Variants in CMYA5 observed in about 807,000 individuals in gnomAD.
CMYA5 encodes cardiomyopathy-associated protein 5.
CMYA5 carries 246 observed loss-of-function variants against 318.9 expected under a neutral mutation model. The ratio of observed to expected loss-of-function variants is 0.77; its 90% CI spans 0.70 to 0.86. The LOEUF is 0.86. CMYA5 is among the 40% of genes least tolerant of loss of function. The probability of loss-of-function intolerance (pLI) is 0.00; values close to 1 mark genes in which losing one functional copy is unlikely to be tolerated. For synonymous variants in CMYA5, 1,641 were observed against 1,729.5 expected, an observed-to-expected ratio of 0.95 and a Z score of 1.27; for missense variants, 4,589 against 4,678.2, an observed-to-expected ratio of 0.98 and a Z score of 0.56.
intron 9 of CMYA5, 121 bp downstream of exon 9, chr5:79,763,330 A>G: frequency 1.1e-6 from 1 of 871,934 alleles, no homozygotes; most frequent in Non-Finnish European, 1.7e-6. Flanking sequence ...CTGCTGAGCT[A>G]ATGAAGCCGC....
intron 1 of CMYA5, among the ~76,000 whole-genome samples, chr5:79,717,505 T>C (rs917481723): frequency 6.6e-6 from 1 of 152,180 alleles, no homozygotes; most frequent in African/African-American, 2.4e-5. Context: ...GAGAAGTTGA[T>C]ATATGAGCTG....
Position 79,725,995 on chromosome 5 carries a change from G to T in CMYA5, c.150-2920G>T, listed in dbSNP as rs558216106. On this transcript the variant is annotated intron_variant, in intron 1 of 12. Coordinates refer to ENST00000446378, the MANE Select transcript of CMYA5 (RefSeq NM_153610.5). ...TAGATTTTGAATTTCTTAGAAGAAG[G>T]TTCTAAGTGCTTTATATTTGTACTC... Among the ~76,000 whole-genome samples, 23 of 152,282 alleles carry T rather than the reference G, an allele frequency of 1.5e-4. 1 individual carries two copies. The highest frequency in any genetic ancestry group is 1.2e-3 in the South Asian group (6 of 4,822).
At chr5:79,693,886 GA>G (rs1182330006) in intron 1 of CMYA5, among the ~76,000 whole-genome samples, 3 of 152,176 alleles carry the variant, frequency 2.0e-5, no homozygotes, top group African/African-American at 7.2e-5. Context: ...AAATTATGAA[GA>G]CAAATATAGC....
intron 1 of CMYA5, among the ~76,000 whole-genome samples, chr5:79,713,505 T>C (rs1452791687): frequency 6.6e-6 from 1 of 151,988 alleles, no homozygotes; most frequent in Non-Finnish European, 1.5e-5. Context: ...TTGTCCTTAG[T>C]TTTTTATAAT....
intron 1 of CMYA5, among the ~76,000 whole-genome samples, chr5:79,726,379 G>C (rs187331254): frequency 6.6e-6 from 1 of 152,230 alleles, no homozygotes; most frequent in South Asian, 2.1e-4. Flanking sequence ...GAAGATGTAG[G>C]ATGAGTTGAA....
At position 79,720,745 on chromosome 5, in the gene CMYA5, A is replaced by C. The variant is rs1827609283; in HGVS notation, c.150-8170A>C. On this transcript the variant is annotated intron_variant, in intron 1 of 12. Transcript: ENST00000446378. ...GCCACCATGCCTGGCCCAATCTAGA[A>C]TTTTATATCCTGAAAAAATATTCTT... is the stretch of plus-strand genomic sequence containing the variant. Among the ~76,000 whole-genome samples the C allele has an allele frequency of 2.6e-5, 4 of 152,108 alleles. No homozygotes were observed. The South Asian group carries it at 8.3e-4, about 32-fold the overall frequency.
chr5:79,792,356 G>C (rs975100282), intron 11 of CMYA5, among the ~76,000 whole-genome samples: 1 of 152,190 alleles, frequency 6.6e-6, no homozygotes, highest in Admixed American at 6.5e-5. Flanking sequence ...AATAGATTGA[G>C]CTTTTCTGTC....
At chr5:79,759,776 A>G (rs781057245) in intron 7 of CMYA5, among the ~76,000 whole-genome samples, 4 of 152,190 alleles carry the variant, frequency 2.6e-5, no homozygotes, top group Admixed American at 1.3e-4. Context: ...ATATTATACT[A>G]TTACTAATAT....
chr5:79,752,665 T>C lies in CMYA5; in HGVS notation c.10992-11T>C. The C allele has an allele frequency of 6.3e-7, 1 of 1,579,302 alleles. No homozygotes were observed. Among genetic ancestry groups the C allele is most frequent in the Non-Finnish European group, 8.7e-7 (1 of 1,151,836 alleles). ...ATTTTTTAACTTATGTAGAGCTCTATTCCCCGATAGGTTGCTTTCTGCAAT... is the reference window on the plus strand; with the variant it reads ...ATTTTTTAACTTATGTAGAGCTCTACTCCCCGATAGGTTGCTTTCTGCAAT... On this transcript the variant is annotated splice_polypyrimidine_tract_variant and intron_variant, in intron 5 of 12. Coordinates refer to ENST00000446378, the MANE Select transcript of CMYA5 (RefSeq NM_153610.5).
In CMYA5 at chr5:79,730,409, A is replaced by C. The variant is rs749019404; in HGVS notation, c.1644A>C (p.Pro548=). The C allele has an allele frequency of 1.4e-5, 23 of 1,613,752 alleles. No individual in the cohort carries two copies. In the South Asian group the frequency reaches 2.2e-4, roughly 15 times the overall value. ...CATTGGTTTCCGAGAAGCCCTTCCC[A>C]CCACATATGTCCCCTGAAGTGGAGC... ...ESPLVSEKPF[P]PHMSPEVEHK... Residue 548 remains proline (P), a synonymous_variant, in exon 2 of 13, where the codon CCA becomes CCC. Transcript: ENST00000446378.
At chr5:79,793,894 G>C (rs1197920247) in intron 12 of CMYA5, among the ~76,000 whole-genome samples, 1 of 152,244 alleles carries the variant, frequency 6.6e-6, no homozygotes, top group Non-Finnish European at 1.5e-5. Flanking sequence ...CAGCTTCCTT[G>C]CTCTGCAGGG....
At chr5:79,768,739 T>G (rs1371973829) in intron 9 of CMYA5, among the ~76,000 whole-genome samples, 1 of 150,706 alleles carries the variant, frequency 6.6e-6, no homozygotes, top group African/African-American at 2.5e-5. Context: ...GTTTCCTTCA[T>G]TTCAACCTTG....
At chr5:79,711,726 A>G (rs997456638) in intron 1 of CMYA5, among the ~76,000 whole-genome samples, 19 of 152,248 alleles carry the variant, frequency 1.2e-4, no homozygotes, top group African/African-American at 4.1e-4. Context: ...CACAAAGTTA[A>G]TGGCGCTAAT....
chr5:79,758,833 A>G lies in CMYA5; in HGVS notation c.11191A>G (p.Lys3731Glu), dbSNP rs747759151. The change falls in exon 7 of 13, where the codon AAG becomes GAG. Residue 3731 changes from lysine to glutamate, a missense_variant. Lys to Glu is a moderately conservative substitution (Grantham distance 56). Transcript: ENST00000446378. ...AATTGCAGTTTACTGGAGCATGAAC[A>G]AGGAAGATGTCATTGATTCATTTCA... Reference protein sequence around the residue: ...TTIAVYWSMNKEDVIDSFQVY... With the variant: ...TTIAVYWSMNEEDVIDSFQVY... The G allele has an allele frequency of 6.2e-7, 1 of 1,605,528 alleles. No homozygotes were observed. Among genetic ancestry groups the G allele is most frequent in the East Asian group, 2.3e-5 (1 of 44,390 alleles).
intron 7 of CMYA5, among the ~76,000 whole-genome samples, chr5:79,759,542 C>T (rs745904530): frequency 1.4e-4 from 21 of 152,204 alleles, no homozygotes; most frequent in Non-Finnish European, 3.1e-4. Context: ...GTATGTCTTA[C>T]AGCTGAGCCT....
At position 79,752,653 on chromosome 5, in the gene CMYA5, T is replaced by C. The variant is rs553056134; in HGVS notation, c.10992-23T>C. 28 of 1,518,032 alleles carry C rather than the reference T, an allele frequency of 1.8e-5. 1 individual carries two copies. The South Asian group carries it at 2.9e-4, about 16-fold the overall frequency. 94.0% of individuals were successfully genotyped at this position (1,518,032 alleles called of 1,614,324 possible). On this transcript the variant is annotated intron_variant, in intron 5 of 12. Coordinates refer to ENST00000446378, the MANE Select transcript of CMYA5 (RefSeq NM_153610.5). Reference sequence around the variant, plus strand: ...TGTATGTTAATAATTTTTTAACTTATGTAGAGCTCTATTCCCCGATAGGTT... The same window carrying C: ...TGTATGTTAATAATTTTTTAACTTACGTAGAGCTCTATTCCCCGATAGGTT...
Position 79,737,429 on chromosome 5 carries a change from A to G in CMYA5, c.8664A>G (p.Ala2888=), listed in dbSNP as rs1415710737. 2.8e-5 allele frequency: 45 copies of G among 1,613,898 alleles called. No individual in the cohort carries two copies. The highest frequency in any genetic ancestry group is 3.6e-5 in the Non-Finnish European group (43 of 1,179,828). Residue 2888 remains alanine (A), a synonymous_variant, in exon 2 of 13, where the codon GCA becomes GCG. Transcript: ENST00000446378. ...GTGTAAAGGAACCACTGTCTTCAGCAAAAAGCAACTATGCTCAATTTATAT... is the reference window on the plus strand; with the variant it reads ...GTGTAAAGGAACCACTGTCTTCAGCGAAAAGCAACTATGCTCAATTTATAT... ...DTRVKEPLSS[A]KSNYAQFISN...
intron 9 of CMYA5, among the ~76,000 whole-genome samples, chr5:79,772,402 G>C (rs1341101127): frequency 6.6e-6 from 1 of 152,176 alleles, no homozygotes; most frequent in Non-Finnish European, 1.5e-5. Flanking sequence ...GTTAGATCTG[G>C]AGTTGCTTTC....
At chr5:79,757,306 A>G (rs1001231305) in intron 6 of CMYA5, among the ~76,000 whole-genome samples, 11 of 152,100 alleles carry the variant, frequency 7.2e-5, no homozygotes, top group Middle Eastern at 3.2e-3. Flanking sequence ...GGAGAATTGC[A>G]TAGAAGTTTG....
Sources: gnomAD v4.1 joint callset for allele counts (sites outside exome capture counted in the v4.1 genomes callset) on GRCh38, gnomAD v4.1.1 for gene constraint, MANE v1.5 for transcripts, NCBI Gene and HGNC (gene_info 2026-07-23, HGNC 2026-07-21) for gene names.